Variants in HEPHL1 observed in about 807,000 individuals in gnomAD.
HEPHL1 encodes the protein hephaestin like 1.
In HEPHL1, 123 loss-of-function variants were observed where a neutral mutation model predicts 122.0. The ratio of observed to expected loss-of-function variants is 1.01; its 90% confidence interval spans 0.87 to 1.17. HEPHL1 has a LOEUF of 1.17. HEPHL1 is among the 50% of genes most tolerant of loss of function. The probability of loss-of-function intolerance (pLI) is 0.00; values close to 1 mark genes in which losing one functional copy is unlikely to be tolerated. For missense variants in HEPHL1, 1,452 were observed against 1,430.5 expected, an observed-to-expected ratio of 1.01 and a Z score of -0.24; for synonymous variants, 527 against 508.9, an observed-to-expected ratio of 1.04 and a Z score of -0.48.
In HEPHL1 at chr11:94,054,184, C is replaced by G. The variant is rs16919872; in HGVS notation, c.415+8267C>G. 7.5e-3 allele frequency among the ~76,000 whole-genome samples: 1,139 copies of G among 152,320 alleles called. 13 individuals carry two copies. The highest frequency in any genetic ancestry group is 0.026 in the African/African-American group (1,070 of 41,580). ...GCACAGAGCCCTGGAGAAGAGCAGT[C>G]TCTGAACAAGGAAGCCAGGAACACA... On this transcript the variant is annotated intron_variant, in intron 2 of 19. Coordinates refer to ENST00000315765, the MANE Select transcript of HEPHL1 (RefSeq NM_001098672.2).
At chr11:94,084,335 T>A (rs908053039) in intron 10 of HEPHL1, among the ~76,000 whole-genome samples, 6 of 108,766 alleles carry the variant, frequency 5.5e-5, no homozygotes, top group African/African-American at 2.3e-4. Context: ...CCTCTCTCTG[T>A]TTAAATAAAT....
intron 10 of HEPHL1, among the ~76,000 whole-genome samples, chr11:94,083,127 T>C (rs1233223191): frequency 6.6e-6 from 1 of 151,296 alleles, no homozygotes; most frequent in Non-Finnish European, 1.5e-5. Context: ...TCACAGTATA[T>C]CATAAATGTA....
In HEPHL1 at chr11:94,113,657, T is replaced by G. The variant is rs1156453040; in HGVS notation, c.*1763T>G. 6.6e-6 allele frequency: 1 copy of G among 152,138 alleles called. No individual in the cohort carries two copies. Among genetic ancestry groups the G allele is most frequent in the Non-Finnish European group, 1.5e-5 (1 of 68,024 alleles). The allele number at this position is 152,138 out of a possible 1,614,324, so 9.4% of individuals were successfully genotyped here. ...TAGTAAGACAAGTTGTTCAGTTGTT[T>G]TTTTTTCTTTTCAGTTTATTTTTTT... On this transcript the variant is annotated 3_prime_UTR_variant, in exon 20 of 20. Transcript: ENST00000315765.
At chr11:94,081,498 G>C (rs1946169886) in intron 9 of HEPHL1, among the ~76,000 whole-genome samples, 1 of 152,168 alleles carries the variant, frequency 6.6e-6, no homozygotes, top group South Asian at 2.1e-4. Flanking sequence ...CAGTTCTAAA[G>C]GAAAGCATAC....
intron 3 of HEPHL1, 67 bp from the exon 4 acceptor site, chr11:94,064,264 A>G (rs1946014403): frequency 8.0e-7 from 1 of 1,255,082 alleles, no homozygotes; most frequent in East Asian, 2.3e-5. Flanking sequence ...GCCTGACACT[A>G]TTGGAAGGAA....
At position 94,104,627 on chromosome 11, in the gene HEPHL1, T is replaced by C; in HGVS notation, c.2782T>C (p.Leu928=). Reference sequence around the variant, plus strand: ...TGACGTTGATTATGAATTTGCTCTCTTGTTTTTGGTATTTAATGAGAATGA... The same window carrying C: ...TGACGTTGATTATGAATTTGCTCTCCTGTTTTTGGTATTTAATGAGAATGA... The part of the protein sequence containing the change: ...RSDVDYEFAL[L]FLVFNENESW... Residue 928 remains leucine, a synonymous_variant, in exon 16 of 20, where the codon TTG becomes CTG. Coordinates refer to ENST00000315765, the MANE Select transcript of HEPHL1 (RefSeq NM_001098672.2). The C allele has an allele frequency of 6.2e-7, 1 of 1,613,830 alleles. No homozygotes were observed. The highest frequency in any genetic ancestry group is 8.5e-7 in the Non-Finnish European group (1 of 1,179,724).
intron 13 of HEPHL1, among the ~76,000 whole-genome samples, chr11:94,093,922 T>C (rs1946283045): frequency 7.1e-6 from 1 of 141,260 alleles, no homozygotes; most frequent in African/African-American, 2.6e-5. Flanking sequence ...TAAAGCTTCT[T>C]TCCAACCCCT....
At chr11:94,102,308 A>T (rs564902093) in intron 14 of HEPHL1, among the ~76,000 whole-genome samples, 1 of 152,394 alleles carries the variant, frequency 6.6e-6, no homozygotes, top group South Asian at 2.1e-4. Flanking sequence ...ACAGATAAGG[A>T]TACTAAAGGT....
chr11:94,048,303 A>G (rs1485875025), intron 2 of HEPHL1, among the ~76,000 whole-genome samples: 1 of 152,096 alleles, frequency 6.6e-6, no homozygotes, highest in African/African-American at 2.4e-5. Flanking sequence ...TTGGTGCACC[A>G]CAGATCTTTC....
chr11:94,035,799 C>T (rs1047877060), intron 1 of HEPHL1, among the ~76,000 whole-genome samples: 3 of 152,164 alleles, frequency 2.0e-5, no homozygotes, highest in Non-Finnish European at 2.9e-5. Flanking sequence ...TGCAGTGGCG[C>T]GATCTCGGCT....
At chr11:94,045,279 A>C (rs184516148) in intron 1 of HEPHL1, among the ~76,000 whole-genome samples, 1 of 152,250 alleles carries the variant, frequency 6.6e-6, no homozygotes, top group African/African-American at 2.4e-5. Context: ...ACACTTAATT[A>C]TCTAAGCCCA....
chr11:94,060,136 A>G (rs1318905494), intron 2 of HEPHL1, among the ~76,000 whole-genome samples: 5 of 137,196 alleles, frequency 3.6e-5, no homozygotes, highest in Admixed American at 7.2e-5. Context: ...ATATATATAT[A>G]TATATATATA....
At position 94,113,073 on chromosome 11, in the gene HEPHL1, TAATA is replaced by T. The variant is rs1946464777; in HGVS notation, c.*1185_*1188del. 6.6e-6 allele frequency: 1 copy of T among 152,170 alleles called. No individual in the cohort carries two copies. Among genetic ancestry groups the T allele is most frequent in the Non-Finnish European group, 1.5e-5 (1 of 68,028 alleles). 9.4% of individuals were successfully genotyped at this position (152,170 alleles called of 1,614,324 possible). A position where few individuals can be genotyped will look rare whatever the true frequency, so the allele number is the denominator to read the frequency against. On this transcript the variant is annotated 3_prime_UTR_variant, in exon 20 of 20. Coordinates refer to ENST00000315765, the MANE Select transcript of HEPHL1 (RefSeq NM_001098672.2). Reference sequence around the variant, plus strand: ...AAACCATTAAACCAGCTTTGAAAATTAATAAATAATTTCCAAGGTTCAAATGCAA... The same window carrying T: ...AAACCATTAAACCAGCTTTGAAAATTAATAATTTCCAAGGTTCAAATGCAA...
Position 94,042,875 on chromosome 11 carries a change from TAAAAA to T in HEPHL1, c.171-2784_171-2780del, listed in dbSNP as rs58966846. Reference sequence around the variant, plus strand: ...ATGTACCCTAAAACTTAAAGTATAATAAAAAAAAAAAAAAAAAACTGCATGAATTG... The same window carrying T: ...ATGTACCCTAAAACTTAAAGTATAATAAAAAAAAAAAAACTGCATGAATTG... On this transcript the variant is annotated intron_variant, in intron 1 of 19. Coordinates refer to ENST00000315765, the MANE Select transcript of HEPHL1 (RefSeq NM_001098672.2). Among the ~76,000 whole-genome samples the T allele has an allele frequency of 3.8e-4, 24 of 63,168 alleles. 1 individual carries two copies. Among genetic ancestry groups the T allele is most frequent in the South Asian group, 3.3e-3 (5 of 1,494 alleles). 41.4% of individuals were successfully genotyped at this position (63,168 alleles called of 152,430 possible). A position where few individuals can be genotyped will look rare whatever the true frequency, so the allele number is the denominator to read the frequency against.
At chr11:94,098,146 G>A (rs1026284447) in intron 13 of HEPHL1, among the ~76,000 whole-genome samples, 1 of 152,164 alleles carries the variant, frequency 6.6e-6, no homozygotes, top group African/African-American at 2.4e-5. Flanking sequence ...TTTTGCAGTG[G>A]CTGGTACTGA....
chr11:94,051,250 C>G (rs1248947086), intron 2 of HEPHL1, among the ~76,000 whole-genome samples: 1 of 152,156 alleles, frequency 6.6e-6, no homozygotes, highest in Non-Finnish European at 1.5e-5. Flanking sequence ...AGTGGTTGTA[C>G]TAATTTACAT....
chr11:94,028,134 C>T (rs1158959221), intron 1 of HEPHL1, among the ~76,000 whole-genome samples: 1 of 152,210 alleles, frequency 6.6e-6, no homozygotes, highest in Non-Finnish European at 1.5e-5. Flanking sequence ...TCTACACAGA[C>T]ATGTGGGCTC....
intron 17 of HEPHL1, 89 bp from the exon 18 acceptor site, chr11:94,110,814 G>A: frequency 2.0e-6 from 2 of 996,358 alleles, no homozygotes; most frequent in East Asian, 2.6e-5. Context: ...TGCTTACTGT[G>A]GGTTTTATTT....
At chr11:94,042,883 A>AAAAAAAAAAAAC (rs1555058775) in intron 1 of HEPHL1, among the ~76,000 whole-genome samples, 2 of 132,414 alleles carry the variant, frequency 1.5e-5, no homozygotes, top group South Asian at 4.9e-4. Flanking sequence ...AATAAAAAAA[A>AAAAAAAAAAAAC]AAAAAAAAAA....
Sources: allele counts gnomAD v4.1 joint callset (sites outside exome capture counted in the v4.1 genomes callset), GRCh38; gene constraint gnomAD v4.1.1; transcripts MANE v1.5; gene names NCBI Gene and HGNC (gene_info 2026-07-23, HGNC 2026-07-21).